The following LETMD1 variants were observed in gnomAD, a reference collection of about 807,000 sequenced individuals.
The protein encoded by LETMD1 is LETM1 domain-containing protein 1.
A neutral mutation model predicts 43.9 loss-of-function variants in LETMD1; 30 were observed. That is an observed-to-expected ratio of 0.68 (90% confidence interval 0.51 to 0.93). LETMD1 has a LOEUF of 0.93. LETMD1 is among the 40% of genes least tolerant of loss of function. The pLI is 0.00. For missense variants in LETMD1, 413 were observed against 447.7 expected, an observed-to-expected ratio of 0.92 and a Z score of 0.70; for synonymous variants, 176 against 163.1, an observed-to-expected ratio of 1.08 and a Z score of -0.60.
chr12:51,051,921 GAA>G (rs1354576794), intron 2 of LETMD1, among the ~76,000 whole-genome samples, 169 bp from the exon 3 acceptor site: 1 of 152,172 alleles, frequency 6.6e-6, no homozygotes, highest in Non-Finnish European at 1.5e-5. Context: ...AAAATGTTGA[GAA>G]AAGAGATTCG....
Position 51,053,067 on chromosome 12 carries a change from G to A in LETMD1, c.391-711G>A, listed in dbSNP as rs373288942. The stretch of plus-strand genomic sequence containing the variant: ...GCGGAGGTTGCAGTGAGTGAAGATC[G>A]CGCCACTGCACTCCAGCCTGGGTGA... On this transcript the variant is annotated intron_variant, in intron 3 of 8. Transcript: ENST00000262055. Among the ~76,000 whole-genome samples the A allele has an allele frequency of 1.2e-3, 185 of 148,430 alleles. 1 individual carries two copies. Among genetic ancestry groups the A allele is most frequent in the African/African-American group, 4.3e-3 (175 of 40,238 alleles).
At chr12:51,050,286 G>A (rs1453637966) in intron 2 of LETMD1, among the ~76,000 whole-genome samples, 1 of 149,240 alleles carries the variant, frequency 6.7e-6, no homozygotes. Context: ...GCAATGGCAT[G>A]ATCTCGGTTC....
intron 2 of LETMD1, chr12:51,049,432 G>C (rs896391036): frequency 1.5e-5 from 6 of 398,952 alleles, no homozygotes; most frequent in Admixed American, 1.2e-4. Flanking sequence ...GTATGTTCTC[G>C]TACTTTCTTA....
chr12:51,059,113 A>G, intron 8 of LETMD1: 1 of 479,052 alleles, frequency 2.1e-6, no homozygotes, highest in Non-Finnish European at 3.8e-6. Context: ...GTTTAGTACC[A>G]TTACCATCTC....
In LETMD1 at chr12:51,056,436, T is replaced by A. The variant is rs1221083861; in HGVS notation, c.849T>A (p.Ile283=). The change falls in exon 7 of 9, where the codon ATT becomes ATA. Residue 283 remains isoleucine, a synonymous_variant. Coordinates refer to ENST00000262055, the MANE Select transcript of LETMD1 (RefSeq NM_015416.5). ...GTTTGAAGACTCATACAACTGTGATTCACCAACTGGACAAGGCTTTGGCAA... is the reference window on the plus strand; with the variant it reads ...GTTTGAAGACTCATACAACTGTGATACACCAACTGGACAAGGCTTTGGCAA... ...RHRLKTHTTV[I]HQLDKALAKL... 3.7e-6 allele frequency: 6 copies of A among 1,614,204 alleles called. No homozygotes were observed. The highest frequency in any genetic ancestry group is 5.1e-6 in the Non-Finnish European group (6 of 1,180,046).
downstream of LETMD1, chr12:51,064,180 G>A (rs2136830310): frequency 1.2e-6 from 2 of 1,614,172 alleles, no homozygotes; most frequent in East Asian, 2.2e-5. Context: ...GCAGTTGGGT[G>A]GTCTGAGTTC....
chr12:51,054,754 G>T (rs1947151142), intron 4 of LETMD1, among the ~76,000 whole-genome samples: 1 of 152,178 alleles, frequency 6.6e-6, no homozygotes, highest in Admixed American at 6.6e-5. Flanking sequence ...ACAAGTGCCA[G>T]AGAATTTGAG....
At chr12:51,063,929 A>C, downstream of LETMD1, 1 of 1,613,704 alleles carries the variant, frequency 6.2e-7, no homozygotes, top group Non-Finnish European at 8.5e-7. Context: ...CGGGCAATAG[A>C]GCTTCTAGGG....
chr12:51,055,935 C>A lies in LETMD1; in HGVS notation c.574C>A (p.Pro192Thr). The A allele has an allele frequency of 6.2e-7, 1 of 1,613,956 alleles. No homozygotes were observed. The highest frequency in any genetic ancestry group is 8.5e-7 in the Non-Finnish European group (1 of 1,179,866). Residue 192 changes from proline to threonine, a missense_variant, in exon 5 of 9, where the codon CCA (proline) becomes ACA (threonine). Transcript: ENST00000262055. ...IYHAFRKQSH[P>T]EIISYLEKVI... Reference sequence around the variant, plus strand: ...TCATGCTTTCCGGAAGCAGTCCCACCCAGAAATTATTAGTTATTTAGAAAA... The same window carrying A: ...TCATGCTTTCCGGAAGCAGTCCCACACAGAAATTATTAGTTATTTAGAAAA...
Position 51,056,400 on chromosome 12 carries a change from G to A in LETMD1, c.813G>A (p.Leu271=), listed in dbSNP as rs756475651. ...MLLTSYLPPP[L]LRHRLKTHTT... ...TCACATCTTACCTGCCTCCTCCCTT[G>A]TTGAGACATCGTTTGAAGACTCATA... is the stretch of plus-strand genomic sequence containing the variant. Residue 271 remains leucine (L), a synonymous_variant, in exon 7 of 9, where the codon TTG becomes TTA. Transcript: ENST00000262055. 1 of 1,614,178 alleles carries A rather than the reference G, an allele frequency of 6.2e-7. No individual in the cohort carries two copies. The highest frequency in any genetic ancestry group is 8.5e-7 in the Non-Finnish European group (1 of 1,180,038).
chr12:51,055,683 A>AG, intron 4 of LETMD1, 152 bp from the exon 5 acceptor site: 1 of 439,486 alleles, frequency 2.3e-6, no homozygotes, highest in Non-Finnish European at 4.0e-6. Flanking sequence ...AAAAAAAAAA[A>AG]AAAAAAACTG....
the LETMD1 span, among the ~76,000 whole-genome samples, chr12:51,066,241 T>C: frequency 7.4e-5 from 11 of 149,604 alleles, no homozygotes; most frequent in East Asian, 2.2e-3. Flanking sequence ...GATCACGAGG[T>C]CAAGAGATCG....
downstream of LETMD1, among the ~76,000 whole-genome samples, chr12:51,064,965 C>T (rs1937985687): frequency 6.6e-6 from 1 of 152,190 alleles, no homozygotes; most frequent in African/African-American, 2.4e-5. Context: ...AAAATCACAG[C>T]ACAGGGTCCT....
rs1485501262 is a variant in LETMD1 at position 51,056,396 on chromosome 12, C to T, written c.809C>T (p.Pro270Leu). 3 of 1,614,228 alleles carry T rather than the reference C, an allele frequency of 1.9e-6. No homozygotes were observed. The highest frequency in any genetic ancestry group is 1.7e-5 in the Admixed American group (1 of 60,018). The change falls in exon 7 of 9, where the codon CCC becomes CTC. Residue 270 changes from proline to leucine, a missense_variant. Coordinates refer to ENST00000262055, the MANE Select transcript of LETMD1 (RefSeq NM_015416.5). ...CTTCTCACATCTTACCTGCCTCCTC[C>T]CTTGTTGAGACATCGTTTGAAGACT... Reference protein sequence around the residue: ...AMLLTSYLPPPLLRHRLKTHT... With the variant: ...AMLLTSYLPPLLLRHRLKTHT...
chr12:51,052,261 T>A, intron 3 of LETMD1, 54 bp downstream of exon 3: 1 of 1,593,996 alleles, frequency 6.3e-7, no homozygotes, highest in East Asian at 2.3e-5. Context: ...TTACATTTAA[T>A]CAAGATCTCA....
chr12:51,052,143 A>G lies in LETMD1; in HGVS notation c.326A>G (p.Asn109Ser). 6.2e-7 allele frequency: 1 copy of G among 1,614,078 alleles called. No individual in the cohort carries two copies. The highest frequency in any genetic ancestry group is 8.5e-7 in the Non-Finnish European group (1 of 1,179,906). Reference sequence around the variant, plus strand: ...AAAAAGGCTAGAAGAATAAAGACAAATATGTGGAAGCACAATATAAAGTTT... The same window carrying G: ...AAAAAGGCTAGAAGAATAAAGACAAGTATGTGGAAGCACAATATAAAGTTT... ...DAKKARRIKT[N>S]MWKHNIKFHQ... The change falls in exon 3 of 9, where the codon AAT (asparagine) becomes AGT (serine). Residue 109 changes from asparagine (N) to serine (S), a missense_variant. Asn to Ser is a conservative substitution (Grantham distance 46, BLOSUM62 1). Coordinates refer to ENST00000262055, the MANE Select transcript of LETMD1 (RefSeq NM_015416.5).
Position 51,056,178 on chromosome 12 carries a change from T to C in LETMD1, c.695T>C (p.Ile232Thr). Residue 232 changes from isoleucine to threonine, a missense_variant, in exon 6 of 9, where the codon ATC (isoleucine) becomes ACC (threonine). Physicochemically the swap from Ile to Thr is moderately conservative, Grantham distance 89 (BLOSUM62 -1). Transcript: ENST00000262055. ...GGTACCCACCCAGCAATACATGATATCTTGGCTCTGAGAGAGTGTTTCTCT... is the reference window on the plus strand; with the variant it reads ...GGTACCCACCCAGCAATACATGATACCTTGGCTCTGAGAGAGTGTTTCTCT... ...QRGTHPAIHDILALRECFSNH... is the reference protein window; with the variant it reads ...QRGTHPAIHDTLALRECFSNH... 3.1e-6 allele frequency: 5 copies of C among 1,614,250 alleles called. No homozygotes were observed. Among genetic ancestry groups the C allele is most frequent in the Non-Finnish European group, 4.2e-6 (5 of 1,180,040 alleles).
intron 4 of LETMD1, among the ~76,000 whole-genome samples, chr12:51,054,538 G>T (rs998128698): frequency 6.6e-6 from 1 of 152,152 alleles, no homozygotes; most frequent in East Asian, 1.9e-4. Flanking sequence ...CCCAGATGTG[G>T]CTTCTTCAGT....
chr12:51,067,936 C>A, the LETMD1 span: 11 of 1,614,126 alleles, frequency 6.8e-6, no homozygotes, highest in Non-Finnish European at 8.5e-6. This position sits in a 1 kb window ranked among gnomAD's most constrained non-coding sequence, Gnocchi z 4.1. Flanking sequence ...AGGCCATCAG[C>A]CTCCACCGAC....
Sources: allele counts gnomAD v4.1 joint callset (sites outside exome capture counted in the v4.1 genomes callset), GRCh38; gene constraint gnomAD v4.1.1; non-coding constraint Gnocchi (gnomAD v3.1); transcripts MANE v1.5; gene names NCBI Gene and HGNC (gene_info 2026-07-23, HGNC 2026-07-21).